The following KCNJ3 variants were observed in gnomAD, a reference collection of about 807,000 sequenced individuals.
KCNJ3 encodes potassium inwardly rectifying channel subfamily J member 3.
Under a neutral mutation model 39.2 loss-of-function variants are expected in KCNJ3, and 4 were observed. The ratio of observed to expected loss-of-function variants is 0.10; its 90% confidence interval spans 0.05 to 0.23. The LOEUF is 0.23. Among genes scored for constraint, KCNJ3 ranks in the 10% least tolerant of loss-of-function variants. The pLI, the probability that KCNJ3 is intolerant of heterozygous loss-of-function variation, is 1.00. For synonymous variants in KCNJ3, 230 were observed against 237.4 expected, an observed-to-expected ratio of 0.97 and a Z score of 0.29; for missense variants, 276 against 634.9, an observed-to-expected ratio of 0.43 and a Z score of 6.08.
intron 2 of KCNJ3, among the ~76,000 whole-genome samples, chr2:154,711,835 G>C (rs539878675): frequency 6.6e-6 from 1 of 152,016 alleles, no homozygotes; most frequent in Non-Finnish European, 1.5e-5. Context: ...GTTTTATAAC[G>C]TAAATTGTTT....
At chr2:154,738,733 T>A (rs1574441974) in intron 2 of KCNJ3, among the ~76,000 whole-genome samples, 3 of 152,152 alleles carry the variant, frequency 2.0e-5, no homozygotes, top group African/African-American at 7.2e-5. Context: ...TTTAAAATAC[T>A]GAAAGGGAGA....
chr2:154,713,823 T>A (rs1334909277), intron 2 of KCNJ3, among the ~76,000 whole-genome samples: 1 of 152,210 alleles, frequency 6.6e-6, no homozygotes, highest in Non-Finnish European at 1.5e-5. Context: ...GCTTTCAAAC[T>A]TCAATCTGGT....
intron 2 of KCNJ3, among the ~76,000 whole-genome samples, chr2:154,839,098 C>T (rs1687529842): frequency 6.6e-6 from 1 of 152,138 alleles, no homozygotes; most frequent in Admixed American, 6.5e-5. Flanking sequence ...TCTCCCCCAG[C>T]CCCCCACCTC....
At chr2:154,700,667 A>G (rs1421435312) in intron 1 of KCNJ3, among the ~76,000 whole-genome samples, 1 of 152,230 alleles carries the variant, frequency 6.6e-6, no homozygotes, top group Non-Finnish European at 1.5e-5. Flanking sequence ...CCACAAGTAT[A>G]TATTGTTTTA....
At chr2:154,729,513 A>G (rs533052356) in intron 2 of KCNJ3, among the ~76,000 whole-genome samples, 2 of 152,282 alleles carry the variant, frequency 1.3e-5, no homozygotes, top group African/African-American at 2.4e-5. Context: ...CAACAACTGT[A>G]AGTTTAACTC....
In KCNJ3 at chr2:154,698,915, T is replaced by C. The variant is rs1323586199; in HGVS notation, c.140T>C (p.Val47Ala). The C allele has an allele frequency of 1.2e-6, 2 of 1,614,018 alleles. No individual in the cohort carries two copies. Among genetic ancestry groups the C allele is most frequent in the Non-Finnish European group, 1.7e-6 (2 of 1,180,028 alleles). ...CCCAAGAAGAAGCGGCAGCGGTTCG[T>C]GGACAAGAACGGCCGGTGCAATGTA... ...LVPKKKRQRF[V>A]DKNGRCNVQH... Residue 47 changes from valine (V) to alanine (A), a missense_variant, in exon 1 of 3, where the codon GTG (valine) becomes GCG (alanine). Transcript: ENST00000295101.
intron 2 of KCNJ3, among the ~76,000 whole-genome samples, chr2:154,819,524 T>TATTATTTA (rs1553460939): frequency 2.6e-5 from 4 of 151,854 alleles, no homozygotes; most frequent in African/African-American, 9.7e-5. Flanking sequence ...TTTTATTTAT[T>TATTATTTA]TTTATTTATT....
chr2:154,702,606 T>A (rs1399393553), intron 1 of KCNJ3, among the ~76,000 whole-genome samples: 1 of 151,942 alleles, frequency 6.6e-6, no homozygotes, highest in Non-Finnish European at 1.5e-5. Context: ...TCTATTCCTG[T>A]CTTCCAGCCT....
chr2:154,832,433 G>GTGAT (rs1190177490), intron 2 of KCNJ3, among the ~76,000 whole-genome samples: 1 of 152,100 alleles, frequency 6.6e-6, no homozygotes, highest in Non-Finnish European at 1.5e-5. Flanking sequence ...TTGTTTGATG[G>GTGAT]TGATGGAAAC....
chr2:154,751,142 A>T (rs190002615), intron 2 of KCNJ3, among the ~76,000 whole-genome samples: 5 of 152,066 alleles, frequency 3.3e-5, no homozygotes, highest in Admixed American at 3.3e-4. Flanking sequence ...CCAAAAACCT[A>T]TGGAAATAAA....
At chr2:154,809,436 TA>T (rs1686970810) in intron 2 of KCNJ3, among the ~76,000 whole-genome samples, 3 of 152,152 alleles carry the variant, frequency 2.0e-5, no homozygotes, top group Admixed American at 2.0e-4. Context: ...GTTGGCTAAT[TA>T]AATGAGATAA....
chr2:154,851,962 T>C (rs1285054366), intron 2 of KCNJ3, among the ~76,000 whole-genome samples: 1 of 152,178 alleles, frequency 6.6e-6, no homozygotes, highest in East Asian at 1.9e-4. Context: ...GCCACCAAAA[T>C]GAAATGGGCT....
At chr2:154,706,841 A>C (rs548661591) in intron 1 of KCNJ3, among the ~76,000 whole-genome samples, 7 of 152,270 alleles carry the variant, frequency 4.6e-5, no homozygotes, top group South Asian at 2.1e-4. Flanking sequence ...CTCAGACTTC[A>C]AACAATTGTA....
At chr2:154,753,384 C>A (rs1685882622) in intron 2 of KCNJ3, among the ~76,000 whole-genome samples, 2 of 152,060 alleles carry the variant, frequency 1.3e-5, no homozygotes, top group South Asian at 4.2e-4. Flanking sequence ...GTCTGTATTT[C>A]CTTTGTTATT....
intron 2 of KCNJ3, among the ~76,000 whole-genome samples, chr2:154,810,796 C>T (rs1686996651): frequency 1.3e-5 from 2 of 151,156 alleles, no homozygotes; most frequent in Non-Finnish European, 2.9e-5. Context: ...AGCTATTTCT[C>T]AGGCTAGTAA....
At chr2:154,832,134 C>T (rs1018123965) in intron 2 of KCNJ3, among the ~76,000 whole-genome samples, 89 of 152,184 alleles carry the variant, frequency 5.8e-4, no homozygotes, top group African/African-American at 2.1e-3. Flanking sequence ...CATTCATGAG[C>T]GATCTGCCCC....
intron 2 of KCNJ3, among the ~76,000 whole-genome samples, chr2:154,812,987 A>G (rs1687028043): frequency 6.6e-6 from 1 of 152,188 alleles, no homozygotes. Flanking sequence ...TCACTAATAC[A>G]GGCAGTATCC....
chr2:154,832,508 A>G (rs577531668), intron 2 of KCNJ3, among the ~76,000 whole-genome samples: 4 of 152,346 alleles, frequency 2.6e-5, no homozygotes, highest in Non-Finnish European at 5.9e-5. Context: ...ATGTGATAAC[A>G]CTTTATAGTA....
At chr2:154,713,134 T>A (rs188544629) in intron 2 of KCNJ3, among the ~76,000 whole-genome samples, 1 of 152,068 alleles carries the variant, frequency 6.6e-6, no homozygotes, top group Non-Finnish European at 1.5e-5. Flanking sequence ...AGTGTTAGGA[T>A]TTCATTAAAA....
Sources: allele counts gnomAD v4.1 joint callset (sites outside exome capture counted in the v4.1 genomes callset), GRCh38; gene constraint gnomAD v4.1.1; transcripts MANE v1.5; gene names NCBI Gene and HGNC (gene_info 2026-07-23, HGNC 2026-07-21).